The following POLE2 variants were observed in gnomAD, a reference collection of about 807,000 sequenced individuals.
POLE2 encodes the protein DNA polymerase epsilon 2, accessory subunit.
POLE2 carries 56 observed loss-of-function variants against 79.4 expected under a neutral mutation model. The ratio of observed to expected loss-of-function variants is 0.71; its 90% CI spans 0.57 to 0.88. The LOEUF (loss-of-function observed/expected upper bound fraction) is 0.88, where lower values mean the gene tolerates loss of function less well. Among genes scored for constraint, POLE2 ranks in the 40% least tolerant of loss-of-function variants. The pLI, the probability that POLE2 is intolerant of heterozygous loss-of-function variation, is 0.00. For synonymous variants in POLE2, 212 were observed against 214.0 expected (o/e 0.99, Z 0.08); for missense variants, 598 against 638.9 (o/e 0.94, Z 0.69).
Position 49,654,149 on chromosome 14 carries a change from A to T in POLE2, c.1133+6T>A, listed in dbSNP as rs746037951. On this transcript the variant is annotated splice_donor_region_variant and intron_variant, in intron 14 of 18. Transcript: ENST00000216367. ...ACACTGTTGCAAAAATCTGAACAAA[A>T]CTTACCTTGGTAAGATGGAACCAAA... 5 of 1,608,788 alleles carry T rather than the reference A, an allele frequency of 3.1e-6. No individual in the cohort carries two copies. The South Asian group carries it at 4.4e-5, about 14-fold the overall frequency.
rs1162033821 is a variant in POLE2 at position 49,646,302 on chromosome 14, GTTTTTTTTT to G, written c.1565+982_1565+990del. Among the ~76,000 whole-genome samples, 602 of 84,434 alleles carry G rather than the reference GTTTTTTTTT, an allele frequency of 7.1e-3. 1 individual carries two copies. Among genetic ancestry groups the G allele is most frequent in the African/African-American group, 0.031 (524 of 16,856 alleles). The allele number at this position is 84,434 out of a possible 152,430, so 55.4% of individuals were successfully genotyped here. On this transcript the variant is annotated intron_variant, in intron 18 of 18. Transcript: ENST00000216367. ...GATTTGGTCAGTTGTTTTTTTGTTG[GTTTTTTTTT>G]TTTTTTTTTTTTTTTTTTTTTTTTG...
intron 18 of POLE2, among the ~76,000 whole-genome samples, chr14:49,645,034 T>C (rs1459891012): frequency 1.1e-4 from 10 of 93,396 alleles, no homozygotes; most frequent in East Asian, 4.2e-4. Flanking sequence ...AGAGCAAAAC[T>C]CCGTCTCACA....
At chr14:49,683,171 G>C (rs772324589) in intron 2 of POLE2, among the ~76,000 whole-genome samples, 1 of 152,202 alleles carries the variant, frequency 6.6e-6, no homozygotes, top group Admixed American at 6.5e-5. Flanking sequence ...GGAGGCCGAG[G>C]CAGGTGGACT....
At chr14:49,653,623 GTTTTTTGTT>G (rs1358542703) in intron 15 of POLE2, among the ~76,000 whole-genome samples, 1 of 151,688 alleles carries the variant, frequency 6.6e-6, no homozygotes, top group Non-Finnish European at 1.5e-5. Context: ...TAGTTTTTTT[GTTTTTTGTT>G]TTTTTTGTTT....
rs368781797 is a variant in POLE2 at position 49,645,061 on chromosome 14, C to T, written c.1566-1391G>A. The stretch of plus-strand genomic sequence containing the variant: ...CGTCTCACAAAAAAAAAAAAAAACA[C>T]TGCAGTAAAAAGCCAGCTGTACCTA... On this transcript the variant is annotated intron_variant, in intron 18 of 18. Transcript: ENST00000216367. Among the ~76,000 whole-genome samples the T allele has an allele frequency of 1.4e-4, 16 of 115,716 alleles. No homozygotes were observed. In the East Asian group the frequency reaches 2.1e-3, roughly 15 times the overall value. The allele number at this position is 115,716 out of a possible 152,430, so 75.9% of individuals were successfully genotyped here. A position where few individuals can be genotyped will look rare whatever the true frequency, so the allele number is the denominator to read the frequency against.
At chr14:49,663,283 TC>T in intron 10 of POLE2, 31 bp downstream of exon 10, 2 of 1,168,322 alleles carry the variant, frequency 1.7e-6, no homozygotes, top group South Asian at 1.6e-5. Context: ...ATTACCAAAT[TC>T]CCATAGAGTA....
At chr14:49,680,353 CAA>C (rs34930369) in intron 2 of POLE2, among the ~76,000 whole-genome samples, 2 of 140,004 alleles carry the variant, frequency 1.4e-5, no homozygotes, top group African/African-American at 2.6e-5. Context: ...GATACTATCT[CAA>C]AAAAAAAAAA....
At chr14:49,654,447 C>G (rs1177646511) in intron 13 of POLE2, 2 of 475,186 alleles carry the variant, frequency 4.2e-6, no homozygotes, top group African/African-American at 2.0e-5. Flanking sequence ...GCTAGCATAG[C>G]TGATGGACTG....
chr14:49,677,649 T>C (rs1380165064), intron 3 of POLE2: 1 of 723,660 alleles, frequency 1.4e-6, no homozygotes, highest in Non-Finnish European at 2.3e-6. Context: ...GGCTGTGTGA[T>C]ATATGCCACA....
intron 9 of POLE2, among the ~76,000 whole-genome samples, chr14:49,664,068 G>T (rs1370463387): frequency 6.7e-6 from 1 of 150,094 alleles, no homozygotes; most frequent in Admixed American, 6.7e-5. Context: ...TATAATTCAG[G>T]CCGGGCATGG....
At chr14:49,663,915 T>G (rs1885274555) in intron 9 of POLE2, among the ~76,000 whole-genome samples, 1 of 151,696 alleles carries the variant, frequency 6.6e-6, no homozygotes, top group South Asian at 2.1e-4. Context: ...CAGGCGCCTG[T>G]AGTCCCAGCT....
chr14:49,688,119 T>G lies in POLE2; in HGVS notation c.68+17A>C. Reference sequence around the variant, plus strand: ...AGCTCTTCCCTCTCGCCCTTCAAGCTGCCCGAGCCCACTCACCCACGGAGC... The same window carrying G: ...AGCTCTTCCCTCTCGCCCTTCAAGCGGCCCGAGCCCACTCACCCACGGAGC... On this transcript the variant is annotated intron_variant, in intron 1 of 18. Transcript: ENST00000216367. 1 of 1,545,538 alleles carries G rather than the reference T, an allele frequency of 6.5e-7. No individual in the cohort carries two copies. Among genetic ancestry groups the G allele is most frequent in the Non-Finnish European group, 8.7e-7 (1 of 1,143,512 alleles).
intron 3 of POLE2, among the ~76,000 whole-genome samples, chr14:49,674,733 A>AT (rs1470383101): frequency 6.6e-6 from 1 of 151,818 alleles, no homozygotes; most frequent in Non-Finnish European, 1.5e-5. Context: ...CGTCCAGTTA[A>AT]TTTTGTATTT....
In POLE2 at chr14:49,667,314, T is replaced by C. The variant is rs141191551; in HGVS notation, c.493-901A>G. Among the ~76,000 whole-genome samples the C allele has an allele frequency of 2.0e-3, 297 of 152,288 alleles. 1 individual carries two copies. Among genetic ancestry groups the C allele is most frequent in the African/African-American group, 6.9e-3 (285 of 41,566 alleles). On this transcript the variant is annotated intron_variant, in intron 6 of 18. Coordinates refer to ENST00000216367, the MANE Select transcript of POLE2 (RefSeq NM_002692.4). ...TTTATTTACAAAGATGAAATCATAG[T>C]ATATGTACTATTCTGCAACTTAACT...
chr14:49,655,854 A>G lies in POLE2; in HGVS notation c.756-11T>C. 3 of 1,337,286 alleles carry G rather than the reference A, an allele frequency of 2.2e-6. No homozygotes were observed. The highest frequency in any genetic ancestry group is 3.2e-6 in the Non-Finnish European group (3 of 948,228). 82.8% of individuals were successfully genotyped at this position (1,337,286 alleles called of 1,614,324 possible). On this transcript the variant is annotated splice_polypyrimidine_tract_variant and intron_variant, in intron 10 of 18. Coordinates refer to ENST00000216367, the MANE Select transcript of POLE2 (RefSeq NM_002692.4). ...TTTCCATAGTATGCCCTAGATAATT[A>G]TAACATAATTATCTTCTATATACCA...
At chr14:49,673,216 C>T (rs1176468362) in intron 5 of POLE2, among the ~76,000 whole-genome samples, 4 of 152,140 alleles carry the variant, frequency 2.6e-5, no homozygotes, top group Non-Finnish European at 4.4e-5. Flanking sequence ...ATACCACAGA[C>T]TCCTAGAAGA....
At chr14:49,683,772 C>G in intron 1 of POLE2, 79 bp from the exon 2 acceptor site, 1 of 674,710 alleles carries the variant, frequency 1.5e-6, no homozygotes, top group Non-Finnish European at 2.6e-6. Context: ...GCAGCAAATA[C>G]TCATCAATCT....
At chr14:49,655,618 A>T in intron 11 of POLE2, 53 bp downstream of exon 11, 1 of 1,270,850 alleles carries the variant, frequency 7.9e-7, no homozygotes, top group Non-Finnish European at 1.1e-6. Flanking sequence ...AAAAAGTTTT[A>T]AAACATGAAC....
intron 3 of POLE2, among the ~76,000 whole-genome samples, chr14:49,676,903 A>T (rs1490814264): frequency 6.6e-6 from 1 of 152,222 alleles, no homozygotes; most frequent in Non-Finnish European, 1.5e-5. Flanking sequence ...CGCTTAGTGC[A>T]TTGCCTGGAA....
Sources: allele counts gnomAD v4.1 joint callset (sites outside exome capture counted in the v4.1 genomes callset), GRCh38; gene constraint gnomAD v4.1.1; transcripts MANE v1.5; gene names NCBI Gene and HGNC (gene_info 2026-07-23, HGNC 2026-07-21).